Variants in RORA observed in about 807,000 individuals in gnomAD.
RORA encodes the protein nuclear receptor ROR-alpha.
Under a neutral mutation model 69.5 loss-of-function variants are expected in RORA, and 7 were observed. The ratio of observed to expected loss-of-function variants is 0.10; its 90% CI spans 0.06 to 0.19. The LOEUF (loss-of-function observed/expected upper bound fraction) is 0.19, where lower values mean the gene tolerates loss of function less well. Ranked by LOEUF, RORA falls within the 10% of genes least tolerant of loss-of-function variation. The pLI, the probability that RORA is intolerant of heterozygous loss-of-function variation, is 1.00. For synonymous variants in RORA, 261 were observed against 240.8 expected (o/e 1.08, Z -0.78); for missense variants, 457 against 663.0 (o/e 0.69, Z 3.41).
intron 1 of RORA, among the ~76,000 whole-genome samples, chr15:61,042,259 T>A (rs1190126115): frequency 6.6e-6 from 1 of 152,206 alleles, no homozygotes; most frequent in Non-Finnish European, 1.5e-5. Flanking sequence ...GGTGACCATA[T>A]AATTTATTGT....
At chr15:60,578,301 T>G (rs2068088288) in intron 2 of RORA, among the ~76,000 whole-genome samples, 1 of 152,240 alleles carries the variant, frequency 6.6e-6, no homozygotes, top group Non-Finnish European at 1.5e-5. Flanking sequence ...TGTGGTTATA[T>G]CAAGGAATTA....
intron 1 of RORA, among the ~76,000 whole-genome samples, chr15:61,153,829 G>A (rs148083299): frequency 6.6e-6 from 1 of 152,200 alleles, no homozygotes; most frequent in East Asian, 1.9e-4. Context: ...GTTATGCAAG[G>A]GCACACAATG....
chr15:60,635,082 A>G (rs2069811564), intron 2 of RORA, among the ~76,000 whole-genome samples: 1 of 152,150 alleles, frequency 6.6e-6, no homozygotes, highest in Admixed American at 6.5e-5. Context: ...GCTTCCCTTT[A>G]ATGGTTTCTG....
chr15:60,626,391 T>C (rs1040017663), intron 2 of RORA, among the ~76,000 whole-genome samples: 4 of 152,200 alleles, frequency 2.6e-5, no homozygotes, highest in Non-Finnish European at 4.4e-5. Flanking sequence ...TTGTTGTTGT[T>C]GTCGTTGTTG....
intron 2 of RORA, among the ~76,000 whole-genome samples, chr15:60,628,033 A>G (rs144387153): frequency 1.6e-3 from 239 of 152,362 alleles, no homozygotes; most frequent in African/African-American, 5.5e-3. Context: ...TAAAAATAGT[A>G]CAGATAATGC....
chr15:60,592,926 T>G (rs753695033), intron 2 of RORA: 65 of 455,674 alleles, frequency 1.4e-4, no homozygotes, highest in South Asian at 5.4e-4. Context: ...CCCGCTGGCT[T>G]GCCGGAGCAC....
chr15:60,772,194 C>T (rs553684171), intron 1 of RORA, among the ~76,000 whole-genome samples: 5 of 152,254 alleles, frequency 3.3e-5, no homozygotes, highest in African/African-American at 9.6e-5. Context: ...TCTCCTAACG[C>T]TATCCCTCCC....
At chr15:60,620,632 G>A (rs1281875944) in intron 2 of RORA, among the ~76,000 whole-genome samples, 1 of 152,202 alleles carries the variant, frequency 6.6e-6, no homozygotes, top group Non-Finnish European at 1.5e-5. Flanking sequence ...GGGACCAAGG[G>A]GCTGGCTGGT....
At chr15:60,762,093 A>G (rs2071902908) in intron 1 of RORA, among the ~76,000 whole-genome samples, 1 of 152,206 alleles carries the variant, frequency 6.6e-6, no homozygotes, top group Admixed American at 6.5e-5. Context: ...AAGTTTTTGA[A>G]AAACAGGTTT....
At chr15:60,733,784 G>A (rs1274117834) in intron 1 of RORA, among the ~76,000 whole-genome samples, 1 of 152,124 alleles carries the variant, frequency 6.6e-6, no homozygotes, top group South Asian at 2.1e-4. Flanking sequence ...GGAAACAAAC[G>A]TGGGCAATGG....
intron 1 of RORA, among the ~76,000 whole-genome samples, chr15:60,867,172 A>G (rs1373535747): frequency 2.0e-5 from 3 of 152,158 alleles, no homozygotes; most frequent in African/African-American, 7.2e-5. Context: ...TTTTGTATCT[A>G]TCTTTTAATA....
chr15:61,149,391 C>T (rs549120738), intron 1 of RORA, among the ~76,000 whole-genome samples: 51 of 152,272 alleles, frequency 3.3e-4, no homozygotes, highest in Non-Finnish European at 6.3e-4. Context: ...TATCCTACAA[C>T]GAACTCATCA....
At chr15:60,665,175 C>T (rs879671148) in intron 2 of RORA, among the ~76,000 whole-genome samples, 25 of 152,212 alleles carry the variant, frequency 1.6e-4, no homozygotes, top group Admixed American at 1.6e-3. Context: ...AGGACATCTA[C>T]TTCAGAAACT....
At chr15:60,853,623 C>T (rs1311947456) in intron 1 of RORA, among the ~76,000 whole-genome samples, 1 of 152,204 alleles carries the variant, frequency 6.6e-6, no homozygotes, top group East Asian at 1.9e-4. Context: ...CCAGATATAC[C>T]TGGACAGGCC....
intron 1 of RORA, among the ~76,000 whole-genome samples, chr15:60,792,118 G>C (rs763272321): frequency 3.3e-5 from 5 of 152,018 alleles, no homozygotes; most frequent in Non-Finnish European, 7.4e-5. Context: ...AAATGAACCA[G>C]ATAGAAATCC....
chr15:60,629,560 T>G (rs1213672017), intron 2 of RORA, among the ~76,000 whole-genome samples: 1 of 152,164 alleles, frequency 6.6e-6, no homozygotes, highest in Admixed American at 6.5e-5. Flanking sequence ...TGAGAAGGCA[T>G]GAGACAGTGA....
chr15:61,061,768 T>C lies in RORA; in HGVS notation c.166+167285A>G, dbSNP rs2078189845. Among the ~76,000 whole-genome samples, 3 of 152,062 alleles carry C rather than the reference T, an allele frequency of 2.0e-5. No individual in the cohort carries two copies. The highest frequency in any genetic ancestry group is 7.2e-5 in the African/African-American group (3 of 41,414). On this transcript the variant is annotated intron_variant, in intron 1 of 10. Transcript: ENST00000335670. This position sits in a 1 kb window ranked among gnomAD's most constrained non-coding sequence, Gnocchi z 4.4. Reference sequence around the variant, plus strand: ...CACTTTGCATATAGGAAGCACTCAATAAATGTTAGTAAGGCCGGGCACGGT... The same window carrying C: ...CACTTTGCATATAGGAAGCACTCAACAAATGTTAGTAAGGCCGGGCACGGT...
chr15:60,723,382 C>G (rs1314836791), intron 1 of RORA, among the ~76,000 whole-genome samples: 1 of 150,096 alleles, frequency 6.7e-6, no homozygotes, highest in South Asian at 2.1e-4. Flanking sequence ...ACCATTCCCC[C>G]CCCCACTCAC....
intron 1 of RORA, among the ~76,000 whole-genome samples, chr15:61,086,957 G>A (rs2078634648): frequency 6.6e-6 from 1 of 152,164 alleles, no homozygotes; most frequent in African/African-American, 2.4e-5. Flanking sequence ...AGGATGGCTT[G>A]AGTCCAGGAG....
Sources: allele counts gnomAD v4.1 joint callset (sites outside exome capture counted in the v4.1 genomes callset), GRCh38; gene constraint gnomAD v4.1.1; non-coding constraint Gnocchi (gnomAD v3.1); transcripts MANE v1.5; gene names NCBI Gene and HGNC (gene_info 2026-07-23, HGNC 2026-07-21).